Variants in CERK observed in about 807,000 individuals in gnomAD.
CERK encodes the protein ceramide kinase, also known as acylsphingosine kinase.
Under a neutral mutation model 63.4 loss-of-function variants are expected in CERK, and 39 were observed. That is an observed-to-expected ratio of 0.61 (90% CI 0.48 to 0.80). The LOEUF (loss-of-function observed/expected upper bound fraction) is 0.80, where lower values mean the gene tolerates loss of function less well. Among genes scored for constraint, CERK ranks in the 30% least tolerant of loss-of-function variants. The pLI is 0.00. For missense variants in CERK, 670 were observed against 714.1 expected (o/e 0.94, Z 0.70); for synonymous variants, 302 against 280.0 (o/e 1.08, Z -0.78).
intron 4 of CERK, among the ~76,000 whole-genome samples, 173 bp downstream of exon 4, chr22:46,711,995 G>A (rs565878858): frequency 1.4e-4 from 22 of 152,324 alleles, no homozygotes; most frequent in African/African-American, 5.1e-4. Context: ...GCTGAGGCAG[G>A]AGGATCATCT....
At position 46,695,242 on chromosome 22, in the gene CERK, T is replaced by G. The variant is rs1196234599; in HGVS notation, c.1017A>C (p.Gly339=). The change falls in exon 9 of 13, where the codon GGA becomes GGC. Residue 339 remains glycine, a synonymous_variant. Transcript: ENST00000216264. ...GGCAGGGCTTCCTATCCCTTGGAGA[T>G]CCCACCGTGTGTTGTGCAGGGAGGA... ...VSFLPAQHTV[G]SPRDRKPCRA... 1.9e-6 allele frequency: 3 copies of G among 1,608,830 alleles called. No individual in the cohort carries two copies. The African/African-American group carries it at 4.0e-5, about 21-fold the overall frequency.
At position 46,712,157 on chromosome 22, in the gene CERK, G is replaced by C; in HGVS notation, c.505+11C>G. ...AACTTACTTCTACATAGTTAACATA[G>C]AATTTGTTACCGATGATGTCAGTGG... On this transcript the variant is annotated intron_variant, in intron 4 of 12. Coordinates refer to ENST00000216264, the MANE Select transcript of CERK (RefSeq NM_022766.6). 3 of 1,613,798 alleles carry C rather than the reference G, an allele frequency of 1.9e-6. No homozygotes were observed. Among genetic ancestry groups the C allele is most frequent in the Non-Finnish European group, 2.5e-6 (3 of 1,179,850 alleles).
chr22:46,723,868 T>G (rs970159307), intron 1 of CERK, among the ~76,000 whole-genome samples: 4 of 152,068 alleles, frequency 2.6e-5, no homozygotes, highest in African/African-American at 9.7e-5. Context: ...CGGCTAACTT[T>G]TGTACTTTTA....
In CERK at chr22:46,691,617, G is replaced by C; in HGVS notation, c.1287C>G (p.Phe429Leu). 6.2e-7 allele frequency: 1 copy of C among 1,613,958 alleles called. No homozygotes were observed. Among genetic ancestry groups the C allele is most frequent in the Non-Finnish European group, 8.5e-7 (1 of 1,180,020 alleles). The change falls in exon 11 of 13, where the codon TTC becomes TTG. Residue 429 changes from phenylalanine to leucine, a missense_variant. Phe to Leu is a conservative substitution (Grantham distance 22). Coordinates refer to ENST00000216264, the MANE Select transcript of CERK (RefSeq NM_022766.6). ...DLILIRKCSR[F>L]NFLRFLIRHT... is the part of the protein sequence containing the mutation. ...GCCTGATGAGAAATCTCAGAAAATT[G>C]AACCTGGAGCATTTCCGGATGAGGA...
At chr22:46,723,321 C>G (rs909319288) in intron 1 of CERK, among the ~76,000 whole-genome samples, 1 of 152,122 alleles carries the variant, frequency 6.6e-6, no homozygotes, top group African/African-American at 2.4e-5. Flanking sequence ...TGAGGAACGT[C>G]AAGAATAAGA....
chr22:46,708,554 C>T (rs1368336968), intron 5 of CERK, among the ~76,000 whole-genome samples: 3 of 152,072 alleles, frequency 2.0e-5, no homozygotes, highest in South Asian at 2.1e-4. Flanking sequence ...GCAGAGGGGA[C>T]GGAATAAATG....
intron 7 of CERK, among the ~76,000 whole-genome samples, chr22:46,701,038 A>G (rs2082781008): frequency 2.6e-5 from 4 of 151,974 alleles, no homozygotes; most frequent in Admixed American, 2.6e-4. Flanking sequence ...CTAAGTGGCT[A>G]TTTTAAAATA....
chr22:46,693,600 C>G, intron 9 of CERK, 97 bp from the exon 10 acceptor site: 2 of 1,035,706 alleles, frequency 1.9e-6, no homozygotes, highest in Non-Finnish European at 2.9e-6. Flanking sequence ...TTTTCACATA[C>G]GAAAAAATTC....
At chr22:46,726,646 T>C (rs538539085) in intron 1 of CERK, among the ~76,000 whole-genome samples, 1 of 152,208 alleles carries the variant, frequency 6.6e-6, no homozygotes, top group East Asian at 1.9e-4. Context: ...TGATCTTCAT[T>C]AAAAATTAAA....
rs967267387 is a variant in CERK, at chr22:46,694,422, G to A, written c.1049+788C>T. ...AAGGAGTCCCTGCTTGTTCAGTGGCGTAGCCACCATTGCAGAGCCTGCAGT... is the reference window on the plus strand; with the variant it reads ...AAGGAGTCCCTGCTTGTTCAGTGGCATAGCCACCATTGCAGAGCCTGCAGT... On this transcript the variant is annotated intron_variant, in intron 9 of 12. Transcript: ENST00000216264. Among the ~76,000 whole-genome samples, 5 of 152,276 alleles carry A rather than the reference G, an allele frequency of 3.3e-5. No homozygotes were observed. The East Asian group carries it at 7.7e-4, about 24-fold the overall frequency.
chr22:46,737,070 G>C (rs942181149), intron 1 of CERK, among the ~76,000 whole-genome samples: 3 of 152,190 alleles, frequency 2.0e-5, no homozygotes, highest in African/African-American at 7.2e-5. Flanking sequence ...GAGGTGGGCA[G>C]ATCACCTGAG....
intron 3 of CERK, among the ~76,000 whole-genome samples, chr22:46,718,693 A>C (rs2146578390): frequency 6.6e-6 from 1 of 152,320 alleles, no homozygotes; most frequent in East Asian, 1.9e-4. Flanking sequence ...TTCTTGATGT[A>C]GGTGCCAAAT....
chr22:46,732,946 C>T (rs1161478330), intron 1 of CERK, among the ~76,000 whole-genome samples: 1 of 152,044 alleles, frequency 6.6e-6, no homozygotes, highest in Non-Finnish European at 1.5e-5. Context: ...CGGTGGCTCA[C>T]GCCTGTAATC....
intron 1 of CERK, among the ~76,000 whole-genome samples, 156 bp downstream of exon 1, chr22:46,737,851 C>CGCCT (rs1355076011): frequency 2.6e-5 from 4 of 152,040 alleles, no homozygotes; most frequent in Non-Finnish European, 5.9e-5. Flanking sequence ...GCCTCCCTCC[C>CGCCT]GCCTGCCCCG....
At chr22:46,729,046 C>G (rs1337214011) in intron 1 of CERK, among the ~76,000 whole-genome samples, 1 of 152,234 alleles carries the variant, frequency 6.6e-6, no homozygotes, top group Non-Finnish European at 1.5e-5. Context: ...CTGTACCCAG[C>G]CAGGCTGAGC....
chr22:46,695,766 A>G (rs2082753059), intron 8 of CERK, among the ~76,000 whole-genome samples: 1 of 152,234 alleles, frequency 6.6e-6, no homozygotes, highest in South Asian at 2.1e-4. Context: ...CGTCCTGAAC[A>G]GCTCAGGACA....
At chr22:46,699,160 G>A (rs547934709) in intron 8 of CERK, among the ~76,000 whole-genome samples, 153 bp downstream of exon 8, 1 of 152,158 alleles carries the variant, frequency 6.6e-6, no homozygotes, top group East Asian at 1.9e-4. Flanking sequence ...GCCACGTTCT[G>A]GCCCCGGCAC....
chr22:46,706,920 T>C (rs1209718427), intron 6 of CERK, among the ~76,000 whole-genome samples: 2 of 152,176 alleles, frequency 1.3e-5, no homozygotes, highest in Non-Finnish European at 2.9e-5. Context: ...AAGTAAACAC[T>C]GGCCCACAAT....
chr22:46,691,018 T>C (rs1269551251), intron 11 of CERK, among the ~76,000 whole-genome samples: 1 of 149,758 alleles, frequency 6.7e-6, no homozygotes, highest in Non-Finnish European at 1.5e-5. Context: ...TATACACATA[T>C]ATGTATATAT....
Sources: allele counts gnomAD v4.1 joint callset (sites outside exome capture counted in the v4.1 genomes callset), GRCh38; gene constraint gnomAD v4.1.1; transcripts MANE v1.5; gene names NCBI Gene and HGNC (gene_info 2026-07-23, HGNC 2026-07-21).